The following MYRFL variants were observed in gnomAD, a reference collection of about 807,000 sequenced individuals.
MYRFL encodes myelin regulatory factor like, also known as myelin regulatory factor-like protein.
MYRFL carries 88 observed loss-of-function variants against 109.4 expected under a neutral mutation model. The ratio of observed to expected loss-of-function variants is 0.80; its 90% CI spans 0.68 to 0.96. The LOEUF (loss-of-function observed/expected upper bound fraction) is 0.96, where lower values mean the gene tolerates loss of function less well. Among genes scored for constraint, MYRFL ranks in the 40% least tolerant of loss-of-function variants. MYRFL has a pLI of 0.00. For missense variants in MYRFL, 957 were observed against 954.9 expected (o/e 1.00, Z -0.03); for synonymous variants, 324 against 320.9 (o/e 1.01, Z -0.10).
chr12:69,903,856 T>G lies in MYRFL; in HGVS notation c.1383+12T>G. The G allele has an allele frequency of 6.6e-7, 1 of 1,513,318 alleles. No individual in the cohort carries two copies. The highest frequency in any genetic ancestry group is 1.2e-5 in the South Asian group (1 of 80,604). The allele number at this position is 1,513,318 out of a possible 1,614,324, so 93.7% of individuals were successfully genotyped here. A position where few individuals can be genotyped will look rare whatever the true frequency, so the allele number is the denominator to read the frequency against. On this transcript the variant is annotated intron_variant, in intron 11 of 24. Transcript: ENST00000552032. ...AGAATATCCAGGAGGTGAGCACAGATTCAGGCCCTGGGCCCCTCCTCTGAC... is the reference window on the plus strand; with the variant it reads ...AGAATATCCAGGAGGTGAGCACAGAGTCAGGCCCTGGGCCCCTCCTCTGAC...
intron 10 of MYRFL, among the ~76,000 whole-genome samples, chr12:69,902,079 A>G (rs964207141): frequency 6.6e-6 from 1 of 151,968 alleles, no homozygotes; most frequent in Non-Finnish European, 1.5e-5. Context: ...TTTTTAGTAG[A>G]GATGGGGCTT....
intron 11 of MYRFL, among the ~76,000 whole-genome samples, chr12:69,908,758 T>A (rs1464492448): frequency 1.3e-5 from 2 of 152,246 alleles, no homozygotes; most frequent in African/African-American, 2.4e-5. Context: ...GGCAATTTTT[T>A]AAAACTTTTA....
Position 69,926,926 on chromosome 12 carries a change from G to T in MYRFL, c.1766+192G>T, listed in dbSNP as rs141587685. 5.3e-4 allele frequency among the ~76,000 whole-genome samples: 31 copies of T among 58,656 alleles called. 12 individuals carry two copies. Among genetic ancestry groups the T allele is most frequent in the East Asian group, 9.5e-4 (2 of 2,104 alleles). 38.5% of individuals were successfully genotyped at this position (58,656 alleles called of 152,430 possible). ...GTGATAACTTTCTTAGTTTTTTTCT[G>T]TTGCTGGTTTTTTTTTTTTTTTTTT... On this transcript the variant is annotated intron_variant, in intron 14 of 24. Coordinates refer to ENST00000552032, the MANE Select transcript of MYRFL (RefSeq NM_182530.3).
intron 2 of MYRFL, among the ~76,000 whole-genome samples, chr12:69,856,899 G>C (rs1366738523): frequency 6.6e-6 from 1 of 151,802 alleles, no homozygotes; most frequent in Non-Finnish European, 1.5e-5. Context: ...TAATTTTGAT[G>C]ATGTCCAATT....
At chr12:69,945,066 G>A (rs1282838447) in intron 19 of MYRFL, among the ~76,000 whole-genome samples, 1 of 152,028 alleles carries the variant, frequency 6.6e-6, no homozygotes, top group Non-Finnish European at 1.5e-5. Context: ...TCTTTGTACA[G>A]CTGTACAATG....
chr12:69,861,280 G>A (rs1251500206), intron 2 of MYRFL, among the ~76,000 whole-genome samples: 6 of 152,122 alleles, frequency 3.9e-5, no homozygotes, highest in Non-Finnish European at 7.4e-5. Context: ...GGATGGCTGG[G>A]TCAAATGGTA....
intron 11 of MYRFL, 114 bp from the exon 12 acceptor site, chr12:69,909,855 A>G: frequency 3.9e-6 from 3 of 761,968 alleles, no homozygotes; most frequent in South Asian, 2.0e-5. Context: ...TGAAGAAATT[A>G]TCTCCAGCAA....
Position 69,848,914 on chromosome 12 carries a change from C to G in MYRFL, c.47-6366C>G, listed in dbSNP as rs545718633. On this transcript the variant is annotated intron_variant, in intron 1 of 24. Coordinates refer to ENST00000552032, the MANE Select transcript of MYRFL (RefSeq NM_182530.3). ...TTGAGACAGATCTTGCTCTGTCACC[C>G]AGGCTGGAGTGCAGTGCTGTGATCT... Among the ~76,000 whole-genome samples, 4 of 152,326 alleles carry G rather than the reference C, an allele frequency of 2.6e-5. No homozygotes were observed. The South Asian group carries it at 6.2e-4, about 24-fold the overall frequency.
At chr12:69,843,401 G>A (rs564597085) in intron 1 of MYRFL, among the ~76,000 whole-genome samples, 7 of 152,328 alleles carry the variant, frequency 4.6e-5, no homozygotes, top group South Asian at 2.1e-4. Flanking sequence ...TTCTCTGGGC[G>A]TCACTGTGTG....
chr12:69,958,066 A>G, intron 23 of MYRFL, 124 bp downstream of exon 23: 1 of 1,372,818 alleles, frequency 7.3e-7, no homozygotes, highest in Non-Finnish European at 9.6e-7. Flanking sequence ...TTGTGTCCTT[A>G]TGAAGTTGCC....
chr12:69,865,209 C>T (rs1400807183), intron 2 of MYRFL, among the ~76,000 whole-genome samples: 1 of 152,160 alleles, frequency 6.6e-6, no homozygotes, highest in African/African-American at 2.4e-5. Context: ...AACCCAGAGA[C>T]TCAGGGAAAA....
intron 13 of MYRFL, among the ~76,000 whole-genome samples, chr12:69,913,318 TTATC>T (rs1954632265): frequency 6.6e-6 from 1 of 152,334 alleles, no homozygotes; most frequent in South Asian, 2.1e-4. Flanking sequence ...GATATCCAGT[TTATC>T]TATTTTCCCT....
At chr12:69,942,466 C>T (rs1459933280) in intron 19 of MYRFL, among the ~76,000 whole-genome samples, 1 of 150,950 alleles carries the variant, frequency 6.6e-6, no homozygotes, top group Non-Finnish European at 1.5e-5. Context: ...GCAGAAAAGG[C>T]CTTTGACAAA....
chr12:69,945,360 C>G (rs1190036845), intron 19 of MYRFL, among the ~76,000 whole-genome samples: 2 of 152,102 alleles, frequency 1.3e-5, no homozygotes, highest in African/African-American at 2.4e-5. Flanking sequence ...TAGTTTTTGT[C>G]TTTTATACTT....
chr12:69,958,067 T>C (rs73136757), intron 23 of MYRFL, 125 bp downstream of exon 23: 941 of 1,364,714 alleles, frequency 6.9e-4, no homozygotes, highest in Non-Finnish European at 8.4e-4. Flanking sequence ...TGTGTCCTTA[T>C]GAAGTTGCCT....
intron 15 of MYRFL, 45 bp from the exon 16 acceptor site, chr12:69,932,464 CAGTT>C (rs1209052666): frequency 7.8e-7 from 1 of 1,274,544 alleles, no homozygotes. Flanking sequence ...TCCCTTCTCA[CAGTT>C]AGAGTTGCTA....
chr12:69,889,498 C>T (rs1292812038), intron 6 of MYRFL, among the ~76,000 whole-genome samples: 2 of 151,984 alleles, frequency 1.3e-5, no homozygotes, highest in Non-Finnish European at 2.9e-5. Flanking sequence ...TACCCTAATC[C>T]AAAAATCTGA....
chr12:69,943,597 C>T (rs1190264445), intron 19 of MYRFL, among the ~76,000 whole-genome samples: 2 of 151,720 alleles, frequency 1.3e-5, no homozygotes, highest in African/African-American at 2.4e-5. Flanking sequence ...AAAACCTAGG[C>T]ATTGCCATTC....
chr12:69,924,791 GT>G (rs939088469), intron 13 of MYRFL, among the ~76,000 whole-genome samples: 4 of 151,994 alleles, frequency 2.6e-5, no homozygotes, highest in Admixed American at 2.0e-4. Flanking sequence ...GATTTTTTGT[GT>G]TTTTTTGGTA....
Sources: allele counts gnomAD v4.1 joint callset (sites outside exome capture counted in the v4.1 genomes callset), GRCh38; gene constraint gnomAD v4.1.1; transcripts MANE v1.5; gene names NCBI Gene and HGNC (gene_info 2026-07-23, HGNC 2026-07-21).